AUTS2: variants seen among roughly 807,000 people sequenced by gnomAD.
AUTS2 encodes the protein autism susceptibility gene 2 protein.
In AUTS2, 17 loss-of-function variants were observed where a neutral mutation model predicts 112.4. That is an observed-to-expected ratio of 0.15 (90% CI 0.10 to 0.23). AUTS2 has a LOEUF of 0.23. AUTS2 is among the 10% of genes least tolerant of loss of function. The probability of loss-of-function intolerance (pLI) is 1.00; values close to 1 mark genes in which losing one functional copy is unlikely to be tolerated. For synonymous variants in AUTS2, 751 were observed against 702.7 expected, an observed-to-expected ratio of 1.07 and a Z score of -1.09; for missense variants, 1,510 against 1,701.6, an observed-to-expected ratio of 0.89 and a Z score of 1.98.
At chr7:70,111,940 T>TA (rs1805109031) in intron 2 of AUTS2, among the ~76,000 whole-genome samples, 1 of 152,032 alleles carries the variant, frequency 6.6e-6, no homozygotes, top group African/African-American at 2.4e-5. Context: ...TATACTATAG[T>TA]TTACTAACTG....
At chr7:70,505,194 G>A (rs1221627165) in intron 5 of AUTS2, among the ~76,000 whole-genome samples, 1 of 152,154 alleles carries the variant, frequency 6.6e-6, no homozygotes, top group Non-Finnish European at 1.5e-5. Context: ...GCCTCAGGGA[G>A]GTTGATTTTT....
chr7:70,706,704 T>G (rs1809756769), intron 6 of AUTS2, among the ~76,000 whole-genome samples: 2 of 151,580 alleles, frequency 1.3e-5, no homozygotes, highest in African/African-American at 4.9e-5. Context: ...AAATGCTTTT[T>G]TATTGTTTAT....
intron 1 of AUTS2, among the ~76,000 whole-genome samples, chr7:69,799,801 C>A (rs1790003953): frequency 6.6e-6 from 1 of 152,140 alleles, no homozygotes. Context: ...CCTCCTGGTG[C>A]TGTTCCTTGA....
intron 4 of AUTS2, among the ~76,000 whole-genome samples, chr7:70,304,717 CTTTTTTTTTTTT>C (rs11464532): frequency 9.9e-6 from 1 of 101,324 alleles, no homozygotes; most frequent in Non-Finnish European, 1.9e-5. Context: ...GGATTTTTAA[CTTTTTTTTTTTT>C]TTTTTTTTTT....
At chr7:70,296,840 ATTTTTTT>A (rs11309209) in intron 4 of AUTS2, among the ~76,000 whole-genome samples, 2 of 127,940 alleles carry the variant, frequency 1.6e-5, no homozygotes, top group African/African-American at 2.9e-5. Flanking sequence ...CTGGGTATAC[ATTTTTTT>A]TTTTTTTTTT....
chr7:70,418,598 C>T (rs987380919), intron 4 of AUTS2, among the ~76,000 whole-genome samples: 5 of 152,102 alleles, frequency 3.3e-5, no homozygotes, highest in African/African-American at 1.2e-4. Flanking sequence ...CAGAGAAATC[C>T]GATCTGAAAA....
intron 4 of AUTS2, among the ~76,000 whole-genome samples, chr7:70,157,767 G>T (rs1025766763): frequency 1.3e-5 from 2 of 151,314 alleles, no homozygotes; most frequent in African/African-American, 4.9e-5. Flanking sequence ...TTTTATAGTT[G>T]CTGTCCTCAG....
chr7:70,215,483 A>C (rs1424102852), intron 4 of AUTS2, among the ~76,000 whole-genome samples: 2 of 152,212 alleles, frequency 1.3e-5, no homozygotes, highest in African/African-American at 4.8e-5. Context: ...GGGCTGACTC[A>C]ATCAGATTTG....
intron 1 of AUTS2, among the ~76,000 whole-genome samples, chr7:69,614,381 G>A (rs1793249549): frequency 7.3e-5 from 1 of 13,638 alleles, no homozygotes; most frequent in Non-Finnish European, 1.6e-4. Context: ...TAAGAGATGG[G>A]ATCTCACTCT....
intron 5 of AUTS2, among the ~76,000 whole-genome samples, chr7:70,688,527 A>T (rs1407892149): frequency 6.6e-6 from 1 of 152,168 alleles, no homozygotes; most frequent in East Asian, 1.9e-4. Context: ...AGAGAAAATA[A>T]ACAAAAAAAA....
At chr7:69,899,616 G>C in intron 2 of AUTS2, 118 bp downstream of exon 2, 1 of 931,348 alleles carries the variant, frequency 1.1e-6, no homozygotes, top group Non-Finnish European at 1.6e-6. Context: ...TGCTGAAGTG[G>C]TTGTCCAACA....
rs1318416417 is a variant in AUTS2, at chr7:70,707,884, G to A, written c.742+9264G>A. 3.3e-5 allele frequency among the ~76,000 whole-genome samples: 5 copies of A among 152,188 alleles called. No homozygotes were observed. The East Asian group carries it at 9.7e-4, about 29-fold the overall frequency. On this transcript the variant is annotated intron_variant, in intron 6 of 18. Coordinates refer to ENST00000342771, the MANE Select transcript of AUTS2 (RefSeq NM_015570.4). Reference sequence around the variant, plus strand: ...CAGGGGCATTTCCCTAGCAACCGATGACATAAGCACAAGGCCCAAATCTGT... The same window carrying A: ...CAGGGGCATTTCCCTAGCAACCGATAACATAAGCACAAGGCCCAAATCTGT...
intron 5 of AUTS2, among the ~76,000 whole-genome samples, chr7:70,649,679 C>CAGGATTA (rs1806388182): frequency 6.6e-6 from 1 of 152,098 alleles, no homozygotes; most frequent in Non-Finnish European, 1.5e-5. Flanking sequence ...CAGGTGCCCA[C>CAGGATTA]CACCATGCCC....
At chr7:70,207,614 A>G in intron 4 of AUTS2, among the ~76,000 whole-genome samples, 1 of 152,216 alleles carries the variant, frequency 6.6e-6, no homozygotes, top group Admixed American at 6.5e-5. Context: ...GTCTGAATGT[A>G]ATACGGAAAT....
chr7:69,927,848 C>T (rs1314436176), intron 2 of AUTS2, among the ~76,000 whole-genome samples: 1 of 152,202 alleles, frequency 6.6e-6, no homozygotes, highest in African/African-American at 2.4e-5. Context: ...TGCAGTGGCA[C>T]CTGAAAGTGC....
intron 2 of AUTS2, among the ~76,000 whole-genome samples, chr7:70,061,953 A>T (rs973059668): frequency 6.6e-6 from 1 of 151,370 alleles, no homozygotes; most frequent in Non-Finnish European, 1.5e-5. Flanking sequence ...ATGCCCAGCT[A>T]ATTTTTCTTA....
chr7:69,788,770 T>TA (rs201528680), intron 1 of AUTS2, among the ~76,000 whole-genome samples: 17,459 of 139,598 alleles, frequency 0.13, 1,777 homozygotes, highest in African/African-American at 0.29. Flanking sequence ...GAAGCAAAAT[T>TA]AAAAAAAAAA....
intron 4 of AUTS2, among the ~76,000 whole-genome samples, chr7:70,145,690 A>T (rs906015362): frequency 2.0e-5 from 3 of 152,260 alleles, no homozygotes; most frequent in Non-Finnish European, 4.4e-5. Flanking sequence ...TACAGAAGGG[A>T]TAAGTTCATT....
chr7:69,848,494 TTG>T (rs1244450140), intron 1 of AUTS2, among the ~76,000 whole-genome samples: 10 of 152,038 alleles, frequency 6.6e-5, no homozygotes, highest in Admixed American at 5.9e-4. Flanking sequence ...GCGTGTGTGT[TTG>T]TGTGTGTGTG....
Sources: gnomAD v4.1 joint callset for allele counts (sites outside exome capture counted in the v4.1 genomes callset) on GRCh38, gnomAD v4.1.1 for gene constraint, MANE v1.5 for transcripts, NCBI Gene and HGNC (gene_info 2026-07-23, HGNC 2026-07-21) for gene names.